The following LIPJ variants were observed in gnomAD, a reference collection of about 807,000 sequenced individuals.
LIPJ encodes the protein lipase member J.
LIPJ carries 33 observed loss-of-function variants against 39.8 expected under a neutral mutation model. The ratio of observed to expected loss-of-function variants is 0.83; its 90% CI spans 0.63 to 1.11. The LOEUF (loss-of-function observed/expected upper bound fraction) is 1.11. Among genes scored for constraint, LIPJ ranks in the 50% least tolerant of loss-of-function variants. The pLI, the probability that LIPJ is intolerant of heterozygous loss-of-function variation, is 0.00. For missense variants in LIPJ, 422 were observed against 427.9 expected (o/e 0.99, Z 0.12); for synonymous variants, 128 against 139.2 (o/e 0.92, Z 0.57).
chr10:88,596,312 G>T lies in LIPJ; in HGVS notation c.472G>T (p.Ala158Ser), dbSNP rs759697456. ...AACATTTTCTACTATATCAAAGATA[G>T]CTGAAAGAATCAAAATATTTTTTGC... The change falls in exon 7 of 11, where the codon GCT (alanine) becomes TCT (serine). Residue 158 changes from alanine to serine, a missense_variant. Coordinates refer to ENST00000371939, the Ensembl canonical transcript of LIPJ. The T allele has an allele frequency of 2.0e-6, 3 of 1,531,340 alleles. No individual in the cohort carries two copies. The highest frequency in any genetic ancestry group is 1.7e-4 in the Middle Eastern group (1 of 5,750). 94.9% of individuals were successfully genotyped at this position (1,531,340 alleles called of 1,614,324 possible). A position where few individuals can be genotyped will look rare whatever the true frequency, so the allele number is the denominator to read the frequency against.
downstream of LIPJ, among the ~76,000 whole-genome samples, chr10:88,610,225 A>G (rs1049798790): frequency 1.3e-5 from 2 of 152,222 alleles, no homozygotes; most frequent in Middle Eastern, 3.2e-3. Flanking sequence ...CCTAGCTGTC[A>G]AAAGCAAAAG....
chr10:88,599,846 A>G (rs537154387), intron 8 of LIPJ, among the ~76,000 whole-genome samples: 1 of 151,678 alleles, frequency 6.6e-6, no homozygotes, highest in South Asian at 2.1e-4. Context: ...TCATTTGACA[A>G]TCTTTGCCTT....
At chr10:88,608,343 G>A (rs1851710817), downstream of LIPJ, among the ~76,000 whole-genome samples, 1 of 152,206 alleles carries the variant, frequency 6.6e-6, no homozygotes. Flanking sequence ...GGGAGGCTAT[G>A]AATGTGCAGG....
intron 4 of LIPJ, 31 bp from the exon 5 acceptor site, chr10:88,593,915 T>G (rs1851164862): frequency 7.7e-6 from 12 of 1,564,638 alleles, no homozygotes; most frequent in Non-Finnish European, 1.0e-5. Flanking sequence ...ACTACAAAAT[T>G]TATAAAGAAC....
the LIPJ span, among the ~76,000 whole-genome samples, chr10:88,613,100 C>T: frequency 1.3e-5 from 2 of 152,092 alleles, no homozygotes; most frequent in Admixed American, 6.6e-5. Context: ...TTTTTAGAAG[C>T]TAGCGTAGTT....
chr10:88,615,645 A>G, the LIPJ span, among the ~76,000 whole-genome samples: 1 of 150,712 alleles, frequency 6.6e-6, no homozygotes, highest in East Asian at 1.9e-4. Context: ...AAAAAAAAAA[A>G]AAAAAACAGA....
chr10:88,584,816 G>A (rs951147111), upstream of LIPJ, among the ~76,000 whole-genome samples: 1 of 152,116 alleles, frequency 6.6e-6, no homozygotes, highest in Non-Finnish European at 1.5e-5. Flanking sequence ...CATGTTCCCC[G>A]GGTTAGGAAT....
the LIPJ span, among the ~76,000 whole-genome samples, chr10:88,612,738 A>C: frequency 6.6e-6 from 1 of 152,308 alleles, no homozygotes; most frequent in East Asian, 1.9e-4. Flanking sequence ...TTTATGAAAC[A>C]ATTACGACTA....
intron 8 of LIPJ, among the ~76,000 whole-genome samples, chr10:88,601,488 C>A (rs1590086116): frequency 6.6e-6 from 1 of 152,298 alleles, no homozygotes; most frequent in East Asian, 1.9e-4. Flanking sequence ...TTTAGTCCAA[C>A]TCTATAGCAC....
At chr10:88,589,266 A>T (rs887406811) in intron 2 of LIPJ, among the ~76,000 whole-genome samples, 2 of 151,888 alleles carry the variant, frequency 1.3e-5, no homozygotes, top group African/African-American at 4.8e-5. Flanking sequence ...CCATGTACTT[A>T]TCTGAGACAG....
chr10:88,602,521 C>A, intron 8 of LIPJ, 55 bp from the exon 9 acceptor site: 3 of 1,196,498 alleles, frequency 2.5e-6, no homozygotes, highest in Non-Finnish European at 3.5e-6. Flanking sequence ...AAAGATTATG[C>A]TCTCTATGAT....
At chr10:88,619,620 G>GTT in the LIPJ span, among the ~76,000 whole-genome samples, 10 of 150,806 alleles carry the variant, frequency 6.6e-5, no homozygotes, top group African/African-American at 2.2e-4. Context: ...TTTTTATTGG[G>GTT]TTTTTTTTTC....
intron 3 of LIPJ, 102 bp downstream of exon 3, chr10:88,590,798 T>A (rs1851052829): frequency 1.3e-6 from 1 of 789,888 alleles, no homozygotes; most frequent in Admixed American, 2.2e-5. Context: ...AACGTATACA[T>A]CTATATGTTA....
At chr10:88,610,273 G>T (rs889777167), downstream of LIPJ, among the ~76,000 whole-genome samples, 2 of 152,106 alleles carry the variant, frequency 1.3e-5, no homozygotes, top group Admixed American at 6.5e-5. Flanking sequence ...TATCCAAGGT[G>T]CTAGAAATAA....
chr10:88,583,108 A>G (rs1308996514), upstream of LIPJ: 1 of 1,614,100 alleles, frequency 6.2e-7, no homozygotes, highest in Non-Finnish European at 8.5e-7. Flanking sequence ...AGCAAGGTAC[A>G]AGGGACCGGA....
In LIPJ at chr10:88,606,663, T is replaced by A; in HGVS notation, c.868-11T>A. 1 of 1,545,806 alleles carries A rather than the reference T, an allele frequency of 6.5e-7. No individual in the cohort carries two copies. The highest frequency in any genetic ancestry group is 8.9e-7 in the Non-Finnish European group (1 of 1,123,572). On this transcript the variant is annotated splice_polypyrimidine_tract_variant and intron_variant, in intron 10 of 10. Coordinates refer to ENST00000371939, the Ensembl canonical transcript of LIPJ. Reference sequence around the variant, plus strand: ...CCTATGAAAACTATTTTTTCACTCATTTATTTTCAGACAACGTCTCCATTA... The same window carrying A: ...CCTATGAAAACTATTTTTTCACTCAATTATTTTCAGACAACGTCTCCATTA...
the LIPJ span, chr10:88,618,934 A>G: frequency 6.6e-6 from 1 of 152,254 alleles, no homozygotes; most frequent in Non-Finnish European, 1.5e-5. Context: ...AGCACCCTTC[A>G]TGGTTCCAGC....
intron 9 of LIPJ, among the ~76,000 whole-genome samples, chr10:88,604,918 C>G (rs960530154): frequency 2.0e-5 from 3 of 151,998 alleles, no homozygotes; most frequent in Non-Finnish European, 4.4e-5. Context: ...TCCTTTCGAG[C>G]AAGGATTGGG....
intron 6 of LIPJ, among the ~76,000 whole-genome samples, chr10:88,595,575 A>T (rs1447771600): frequency 6.6e-6 from 1 of 151,668 alleles, no homozygotes; most frequent in Non-Finnish European, 1.5e-5. Flanking sequence ...CTATTCAATT[A>T]TTTAAAACCA....
Sources: allele counts gnomAD v4.1 joint callset (sites outside exome capture counted in the v4.1 genomes callset), GRCh38; gene constraint gnomAD v4.1.1; transcripts MANE v1.5; gene names NCBI Gene and HGNC (gene_info 2026-07-23, HGNC 2026-07-21).